ZNF723: variants seen among roughly 807,000 people sequenced by gnomAD.
ZNF723 encodes the protein zinc finger protein 723.
In ZNF723, 5 loss-of-function variants were observed where a neutral mutation model predicts 9.4. The ratio of observed to expected loss-of-function variants is 0.53; its 90% CI spans 0.28 to 1.12. The LOEUF (loss-of-function observed/expected upper bound fraction) is 1.12, where lower values mean the gene tolerates loss of function less well. Among genes scored for constraint, ZNF723 ranks in the 50% most tolerant of loss-of-function variants. ZNF723 has a pLI of 0.10. For missense variants in ZNF723, 450 were observed against 501.5 expected, an observed-to-expected ratio of 0.90 and a Z score of 0.98; for synonymous variants, 158 against 168.8, an observed-to-expected ratio of 0.94 and a Z score of 0.49.
chr19:22,827,245 G>A, the ZNF723 span, among the ~76,000 whole-genome samples: 1 of 151,526 alleles, frequency 6.6e-6, no homozygotes, highest in Non-Finnish European at 1.5e-5. Flanking sequence ...TTGTGTAATT[G>A]CTAATACTTG....
At chr19:22,851,871 C>G (rs1967401314) in intron 3 of ZNF723, among the ~76,000 whole-genome samples, 2 of 152,156 alleles carry the variant, frequency 1.3e-5, no homozygotes, top group Non-Finnish European at 2.9e-5. Flanking sequence ...ACCGCTACTT[C>G]CGCCTCCTGG....
At chr19:22,846,337 T>A (rs992784218) in intron 1 of ZNF723, among the ~76,000 whole-genome samples, 9 of 152,144 alleles carry the variant, frequency 5.9e-5, no homozygotes, top group African/African-American at 1.7e-4. Context: ...TTAAACAAGA[T>A]GACGGCCAGG....
At chr19:22,833,948 TC>T (rs59491723) in intron 1 of ZNF723, among the ~76,000 whole-genome samples, 2,590 of 135,938 alleles carry the variant, frequency 0.019, 150 homozygotes, top group African/African-American at 0.077. Flanking sequence ...TTTTTTTTTT[TC>T]CGAGTCTCCT....
intron 3 of ZNF723, among the ~76,000 whole-genome samples, chr19:22,854,042 T>C (rs537717488): frequency 1.7e-5 from 2 of 117,066 alleles, no homozygotes; most frequent in African/African-American, 6.2e-5. Flanking sequence ...TTGTTTTATT[T>C]TTATTACAGA....
At chr19:22,812,918 C>T in the ZNF723 span, among the ~76,000 whole-genome samples, 1 of 152,018 alleles carries the variant, frequency 6.6e-6, no homozygotes, top group African/African-American at 2.4e-5. Context: ...GAGACTGTGA[C>T]TCTTGTACTT....
At chr19:22,820,999 T>C in the ZNF723 span, among the ~76,000 whole-genome samples, 1 of 152,168 alleles carries the variant, frequency 6.6e-6, no homozygotes, top group African/African-American at 2.4e-5. Context: ...ATCTTGTCCA[T>C]AGGTAGAATG....
chr19:22,835,542 GT>G (rs2145206620), intron 1 of ZNF723, among the ~76,000 whole-genome samples: 1 of 152,094 alleles, frequency 6.6e-6, no homozygotes, highest in South Asian at 2.1e-4. Flanking sequence ...GTTTTTGTTT[GT>G]TTTTCCCAGA....
intron 3 of ZNF723, among the ~76,000 whole-genome samples, chr19:22,849,864 G>T (rs982356585): frequency 6.6e-6 from 1 of 151,948 alleles, no homozygotes; most frequent in Non-Finnish European, 1.5e-5. Flanking sequence ...TTCTGATGTC[G>T]TGCCATTGCA....
chr19:22,814,830 T>C, the ZNF723 span, among the ~76,000 whole-genome samples: 1 of 152,148 alleles, frequency 6.6e-6, no homozygotes, highest in Non-Finnish European at 1.5e-5. Flanking sequence ...GCCTATACTT[T>C]TGCCTTAGCA....
chr19:22,855,241 T>G (rs1258334920), intron 3 of ZNF723, among the ~76,000 whole-genome samples: 2 of 150,724 alleles, frequency 1.3e-5, no homozygotes, highest in Admixed American at 6.6e-5. Flanking sequence ...TTTTTTTTTT[T>G]TTTTTGAGAT....
At chr19:22,815,663 T>C in the ZNF723 span, among the ~76,000 whole-genome samples, 1 of 152,128 alleles carries the variant, frequency 6.6e-6, no homozygotes, top group Non-Finnish European at 1.5e-5. Flanking sequence ...ACCTCATACC[T>C]CAAACCAGCT....
At position 22,846,446 on chromosome 19, in the gene ZNF723, A is replaced by T. The variant is rs1191723907; in HGVS notation, c.4-1815A>T. On this transcript the variant is annotated intron_variant, in intron 1 of 3. Coordinates refer to ENST00000600766, the MANE Select transcript of ZNF723 (RefSeq NM_001349726.2). ...AAGAGCAGCCTGGCCAACATGGCGA[A>T]ACCTCATCTCTACTAAAAATACAAA... is the stretch of plus-strand genomic sequence containing the variant. Among the ~76,000 whole-genome samples, 65 of 152,152 alleles carry T rather than the reference A, an allele frequency of 4.3e-4. 1 individual carries two copies. The highest frequency in any genetic ancestry group is 4.3e-3 in the Admixed American group (65 of 15,284).
chr19:22,834,065 A>AC (rs1967134175), intron 1 of ZNF723, among the ~76,000 whole-genome samples: 1 of 147,750 alleles, frequency 6.8e-6, no homozygotes, highest in African/African-American at 2.5e-5. Context: ...AGAAGCATAC[A>AC]CCACCACGCC....
Position 22,857,450 on chromosome 19 carries a change from C to T in ZNF723, c.559C>T (p.His187Tyr). 1 of 996,772 alleles carries T rather than the reference C, an allele frequency of 1.0e-6. No homozygotes were observed. The highest frequency in any genetic ancestry group is 1.8e-5 in the Admixed American group (1 of 54,626). 61.7% of individuals were successfully genotyped at this position (996,772 alleles called of 1,614,324 possible). A position where few individuals can be genotyped will look rare whatever the true frequency, so the allele number is the denominator to read the frequency against. The part of the protein sequence containing the change: ...ECGKSFCMLS[H>Y]LTKHERNHTR... Reference sequence around the variant, plus strand: ...TGGCAAATCATTTTGCATGCTTTCACACCTAACTAAACATGAAAGAAATCA... The same window carrying T: ...TGGCAAATCATTTTGCATGCTTTCATACCTAACTAAACATGAAAGAAATCA... The change falls in exon 4 of 4, where the codon CAC (histidine) becomes TAC (tyrosine). Residue 187 changes from histidine (H) to tyrosine (Y), a missense_variant. This residue lies in a region of ZNF723 where 143 missense variants were observed against 101.3 expected (regional missense o/e 1.41). Coordinates refer to ENST00000600766, the MANE Select transcript of ZNF723 (RefSeq NM_001349726.2).
At chr19:22,830,568 A>G (rs1388616814), upstream of ZNF723, among the ~76,000 whole-genome samples, 1 of 152,078 alleles carries the variant, frequency 6.6e-6, no homozygotes, top group Non-Finnish European at 1.5e-5. Flanking sequence ...ATAATTCTCC[A>G]GTATTTCATG....
At chr19:22,820,296 C>T in the ZNF723 span, among the ~76,000 whole-genome samples, 13 of 152,134 alleles carry the variant, frequency 8.5e-5, no homozygotes, top group African/African-American at 3.1e-4. Context: ...GTGTGTCTCT[C>T]CTGCCTAGGC....
chr19:22,830,984 A>G (rs562609025), upstream of ZNF723, among the ~76,000 whole-genome samples: 40 of 151,974 alleles, frequency 2.6e-4, no homozygotes, highest in Non-Finnish European at 4.9e-4. Context: ...GCTGGTCTTG[A>G]ACTCCTGACC....
At chr19:22,831,488 C>T (rs1967093912), upstream of ZNF723, among the ~76,000 whole-genome samples, 1 of 151,102 alleles carries the variant, frequency 6.6e-6, no homozygotes, top group Non-Finnish European at 1.5e-5. Context: ...GACTGGGAGG[C>T]GGAGGTTGCA....
At chr19:22,856,536 C>G (rs1967482878) in intron 3 of ZNF723, among the ~76,000 whole-genome samples, 1 of 152,114 alleles carries the variant, frequency 6.6e-6, no homozygotes, top group Admixed American at 6.6e-5. Context: ...TTTTTACTTT[C>G]TAGTTAAAGG....
Sources: gnomAD v4.1 joint callset for allele counts (sites outside exome capture counted in the v4.1 genomes callset) on GRCh38, gnomAD v4.1.1 for gene constraint, gnomAD v4.1.1 regional missense constraint, MANE v1.5 for transcripts, NCBI Gene and HGNC (gene_info 2026-07-23, HGNC 2026-07-21) for gene names.